The following RIT2 variants were observed in gnomAD, a reference collection of about 807,000 sequenced individuals.
RIT2 encodes GTP-binding protein Rit2.
Under a neutral mutation model 23.7 loss-of-function variants are expected in RIT2, and 24 were observed. The ratio of observed to expected loss-of-function variants is 1.01; its 90% CI spans 0.73 to 1.43. The LOEUF (loss-of-function observed/expected upper bound fraction) is 1.43. RIT2 is among the 40% of genes most tolerant of loss of function. The probability of loss-of-function intolerance (pLI) is 0.00; values close to 1 mark genes in which losing one functional copy is unlikely to be tolerated. For synonymous variants in RIT2, 107 were observed against 91.1 expected (o/e 1.17, Z -0.99); for missense variants, 236 against 266.9 (o/e 0.88, Z 0.81).
chr18:42,975,690 T>C (rs1368521069), intron 2 of RIT2, among the ~76,000 whole-genome samples: 1 of 152,102 alleles, frequency 6.6e-6, no homozygotes, highest in Non-Finnish European at 1.5e-5. Context: ...TTGGCCTGCC[T>C]TCTGAAAATC....
chr18:43,012,850 C>T (rs1490694057), intron 2 of RIT2, among the ~76,000 whole-genome samples: 1 of 151,602 alleles, frequency 6.6e-6, no homozygotes, highest in Non-Finnish European at 1.5e-5. Flanking sequence ...AGTTAAGTGG[C>T]CTGCTAAAAA....
At position 42,850,076 on chromosome 18, in the gene RIT2, C is replaced by CGTGTGTGTGT. The variant is rs60962443; in HGVS notation, c.426+73486_426+73495dup. ...TTTTAATTTAAGAAAAAAATACACCCGTGTGTGTGTGTGTGTGTGTGTGTG... is the reference window on the plus strand; with the variant it reads ...TTTTAATTTAAGAAAAAAATACACCCGTGTGTGTGTGTGTGTGTGTGTGTGTGTGTGTGTG... On this transcript the variant is annotated intron_variant, in intron 4 of 4. Coordinates refer to ENST00000326695, the MANE Select transcript of RIT2 (RefSeq NM_002930.4). Among the ~76,000 whole-genome samples the CGTGTGTGTGT allele has an allele frequency of 1.2e-3, 166 of 142,734 alleles. 2 individuals carry two copies. Among genetic ancestry groups the CGTGTGTGTGT allele is most frequent in the African/African-American group, 3.9e-3 (151 of 38,960 alleles). The allele number at this position is 142,734 out of a possible 152,430, so 93.6% of individuals were successfully genotyped here. A position where few individuals can be genotyped will look rare whatever the true frequency, so the allele number is the denominator to read the frequency against.
intron 4 of RIT2, among the ~76,000 whole-genome samples, chr18:42,910,113 A>T (rs1338625233): frequency 6.6e-6 from 1 of 152,172 alleles, no homozygotes; most frequent in Non-Finnish European, 1.5e-5. Flanking sequence ...ACATAAATAC[A>T]TCAAAATAGA....
chr18:42,757,434 C>T (rs1257290603), intron 4 of RIT2, among the ~76,000 whole-genome samples: 9 of 152,096 alleles, frequency 5.9e-5, no homozygotes, highest in Non-Finnish European at 1.3e-4. Flanking sequence ...GTATCTTGGG[C>T]TCCTTCAAGC....
intron 3 of RIT2, among the ~76,000 whole-genome samples, chr18:42,969,067 A>T (rs1910303305): frequency 6.6e-6 from 1 of 152,228 alleles, no homozygotes; most frequent in African/African-American, 2.4e-5. Flanking sequence ...GTTAGCATCC[A>T]TCAAATAATC....
chr18:42,750,505 A>G (rs916324764), intron 4 of RIT2, among the ~76,000 whole-genome samples: 110 of 151,870 alleles, frequency 7.2e-4, no homozygotes, highest in African/African-American at 2.6e-3. Flanking sequence ...AATTTGGGGC[A>G]TAATTTTGTC....
chr18:43,056,817 A>C (rs998106210), intron 1 of RIT2, among the ~76,000 whole-genome samples: 5 of 152,112 alleles, frequency 3.3e-5, no homozygotes, highest in Non-Finnish European at 7.4e-5. Context: ...AATGAGCAGG[A>C]CGATAGCTTT....
chr18:42,912,231 G>GA lies in RIT2; in HGVS notation c.426+11340dup, dbSNP rs35260729. Among the ~76,000 whole-genome samples, 522 of 145,272 alleles carry GA rather than the reference G, an allele frequency of 3.6e-3. 4 individuals carry two copies. Among genetic ancestry groups the GA allele is most frequent in the African/African-American group, 0.011 (430 of 40,276 alleles). Reference sequence around the variant, plus strand: ...AAAAGTATATTAAATACCCATTCATGAAAAAAAAAAATCACTTTCAGTACA... The same window carrying GA: ...AAAAGTATATTAAATACCCATTCATGAAAAAAAAAAAATCACTTTCAGTACA... On this transcript the variant is annotated intron_variant, in intron 4 of 4. Transcript: ENST00000326695.
At chr18:42,806,862 T>C (rs1040398161) in intron 4 of RIT2, among the ~76,000 whole-genome samples, 4 of 152,208 alleles carry the variant, frequency 2.6e-5, no homozygotes, top group Admixed American at 2.6e-4. Flanking sequence ...GCTGAGTCCA[T>C]ACTTAAGCAA....
At chr18:42,923,306 A>G (rs773087238) in intron 4 of RIT2, 1 of 328,722 alleles carries the variant, frequency 3.0e-6, no homozygotes, top group Non-Finnish European at 5.5e-6. Flanking sequence ...GAAGTCAACA[A>G]GAATCATTTC....
chr18:42,906,947 G>C (rs898397878), intron 4 of RIT2, among the ~76,000 whole-genome samples: 2 of 152,160 alleles, frequency 1.3e-5, no homozygotes, highest in Admixed American at 6.6e-5. Context: ...TGCCTTGGAG[G>C]AGGCACTCAG....
rs574842079 is a variant in RIT2 at position 42,892,636 on chromosome 18, T to C, written c.426+30936A>G. ...TAGTTGAAGAAAATACCCCAGTCAT[T>C]TGACAAATAAAGCAGCTTTAGGATC... On this transcript the variant is annotated intron_variant, in intron 4 of 4. Transcript: ENST00000326695. 3.3e-5 allele frequency among the ~76,000 whole-genome samples: 5 copies of C among 152,314 alleles called. No homozygotes were observed. In the South Asian group the frequency reaches 8.3e-4, roughly 25 times the overall value.
chr18:42,743,297 A>T lies in RIT2; in HGVS notation c.*196T>A, dbSNP rs1482537469. On this transcript the variant is annotated 3_prime_UTR_variant, in exon 5 of 5. Coordinates refer to ENST00000326695, the MANE Select transcript of RIT2 (RefSeq NM_002930.4). ...ACTAAACAGCATATCCAGCTGATTG[A>T]CAAAATCCATCCAACTGTTAAAGGC... The T allele has an allele frequency of 1.7e-6, 1 of 590,062 alleles. No individual in the cohort carries two copies. The highest frequency in any genetic ancestry group is 3.0e-6 in the Non-Finnish European group (1 of 333,354). 36.6% of individuals were successfully genotyped at this position (590,062 alleles called of 1,614,324 possible).
chr18:42,877,337 A>G (rs1267234537), intron 4 of RIT2, among the ~76,000 whole-genome samples: 3 of 151,534 alleles, frequency 2.0e-5, no homozygotes, highest in African/African-American at 7.3e-5. Context: ...AAAATTTTAA[A>G]TATTTTTTGT....
chr18:42,807,791 A>AAG (rs1220621828), intron 4 of RIT2, among the ~76,000 whole-genome samples: 1 of 147,496 alleles, frequency 6.8e-6, no homozygotes, highest in African/African-American at 2.5e-5. Context: ...CACAAAGTGA[A>AAG]TGTGTGTGTG....
intron 1 of RIT2, among the ~76,000 whole-genome samples, chr18:43,038,970 GT>G (rs1912058970): frequency 6.6e-6 from 1 of 151,712 alleles, no homozygotes; most frequent in Admixed American, 6.6e-5. Flanking sequence ...GTCATATATT[GT>G]TTCTCTTTGT....
intron 4 of RIT2, among the ~76,000 whole-genome samples, chr18:42,801,341 A>G (rs749436405): frequency 6.6e-6 from 1 of 152,170 alleles, no homozygotes; most frequent in Non-Finnish European, 1.5e-5. Flanking sequence ...GACCACATAC[A>G]TGTATTCTAT....
chr18:43,107,274 C>A (rs186693223), intron 1 of RIT2, among the ~76,000 whole-genome samples: 17 of 152,226 alleles, frequency 1.1e-4, no homozygotes, highest in African/African-American at 4.1e-4. Flanking sequence ...AGCCATAGTT[C>A]TCATTGCTTC....
intron 2 of RIT2, among the ~76,000 whole-genome samples, chr18:42,975,599 A>G (rs546975516): frequency 6.6e-6 from 1 of 151,974 alleles, no homozygotes; most frequent in African/African-American, 2.4e-5. Flanking sequence ...CCAAATTTTA[A>G]TATAGCTGAG....
Sources: allele counts gnomAD v4.1 joint callset (sites outside exome capture counted in the v4.1 genomes callset), GRCh38; gene constraint gnomAD v4.1.1; transcripts MANE v1.5; gene names NCBI Gene and HGNC (gene_info 2026-07-23, HGNC 2026-07-21).